The following RUBCNL variants were observed in gnomAD, a reference collection of about 807,000 sequenced individuals.
RUBCNL encodes rubicon like autophagy enhancer.
Under a neutral mutation model 69.5 loss-of-function variants are expected in RUBCNL, and 62 were observed. The ratio of observed to expected loss-of-function variants is 0.89; its 90% CI spans 0.73 to 1.10. The LOEUF (loss-of-function observed/expected upper bound fraction) is 1.10. Among genes scored for constraint, RUBCNL ranks in the 50% least tolerant of loss-of-function variants. The pLI, the probability that RUBCNL is intolerant of heterozygous loss-of-function variation, is 0.00. For missense variants in RUBCNL, 768 were observed against 798.1 expected (o/e 0.96, Z 0.45); for synonymous variants, 291 against 303.6 (o/e 0.96, Z 0.43).
chr13:46,388,694 C>T (rs1286333857), upstream of RUBCNL, among the ~76,000 whole-genome samples: 1 of 152,190 alleles, frequency 6.6e-6, no homozygotes, highest in Non-Finnish European at 1.5e-5. Context: ...AGAAGATTCC[C>T]TGCTGCATAA....
chr13:46,343,492 T>G lies in RUBCNL; in HGVS notation c.1882A>C (p.Arg628=). Residue 628 remains arginine (R), a synonymous_variant, in exon 15 of 15, where the codon AGG becomes CGG. Transcript: ENST00000429979. The stretch of plus-strand genomic sequence containing the variant: ...AAGCACTGTTTGTGAAAGCAAGCCC[T>G]GCACGCTGCAAGCAAGGAAGAGAGC... ...TATCRRCSAC[R]ACFHKQCFQS... is the part of the protein sequence containing the mutation. 1 of 1,613,290 alleles carries G rather than the reference T, an allele frequency of 6.2e-7. No individual in the cohort carries two copies. Among genetic ancestry groups the G allele is most frequent in the Non-Finnish European group, 8.5e-7 (1 of 1,179,362 alleles).
chr13:46,357,636 T>C (rs1351528521), intron 9 of RUBCNL, among the ~76,000 whole-genome samples: 89 of 151,028 alleles, frequency 5.9e-4, no homozygotes, highest in African/African-American at 2.0e-3. Flanking sequence ...TCTTTCTTTT[T>C]TTTTTTTTTT....
At chr13:46,373,586 G>A (rs1170806837) in intron 2 of RUBCNL, among the ~76,000 whole-genome samples, 1 of 152,196 alleles carries the variant, frequency 6.6e-6, no homozygotes, top group African/African-American at 2.4e-5. Flanking sequence ...TGTAATTACA[G>A]GCTCGGGAAA....
chr13:46,367,531 C>T (rs146839106), intron 5 of RUBCNL, among the ~76,000 whole-genome samples: 88 of 152,192 alleles, frequency 5.8e-4, no homozygotes, highest in African/African-American at 2.0e-3. Context: ...GACAACTGAA[C>T]GGAGCATGAT....
At chr13:46,382,415 T>A (rs949298326) in intron 1 of RUBCNL, among the ~76,000 whole-genome samples, 1 of 150,638 alleles carries the variant, frequency 6.6e-6, no homozygotes, top group South Asian at 2.1e-4. Flanking sequence ...ATTGTCATGA[T>A]AGAACTATCT....
At chr13:46,387,926 G>T, upstream of RUBCNL, 1 of 887,462 alleles carries the variant, frequency 1.1e-6, no homozygotes, top group Non-Finnish European at 1.4e-6. Flanking sequence ...CCTAAGCTCT[G>T]GCCGGGTGCG....
rs1248890248 is a variant in RUBCNL, at chr13:46,335,052, T to C, written c.*8333A>G. 5.3e-5 allele frequency among the ~76,000 whole-genome samples: 8 copies of C among 151,464 alleles called. No individual in the cohort carries two copies. Among genetic ancestry groups the C allele is most frequent in the African/African-American group, 1.9e-4 (8 of 41,264 alleles). On this transcript the variant is annotated 3_prime_UTR_variant, in exon 15 of 15. Transcript: ENST00000429979. ...AGGTCAAGCCCAACAGGAAACCTAC[T>C]TGGGTAAAGAATTTGGACTTTTTTT...
chr13:46,362,433 T>C (rs1780390593), intron 7 of RUBCNL, 105 bp downstream of exon 7: 2 of 584,420 alleles, frequency 3.4e-6, no homozygotes, highest in Non-Finnish European at 5.9e-6. Context: ...AACAAATCAC[T>C]GGAACTAGCT....
intron 12 of RUBCNL, among the ~76,000 whole-genome samples, chr13:46,346,600 G>A (rs926126860): frequency 6.6e-6 from 1 of 152,078 alleles, no homozygotes; most frequent in African/African-American, 2.4e-5. Flanking sequence ...GGAAGTATAG[G>A]TATTGTTCTA....
chr13:46,349,487 C>T (rs966437658), intron 11 of RUBCNL, 140 bp from the exon 12 acceptor site: 18 of 759,466 alleles, frequency 2.4e-5, no homozygotes, highest in Admixed American at 8.5e-5. Context: ...ACCGCCTATA[C>T]AGCAAGCCTT....
At chr13:46,389,071 G>C (rs576417151), upstream of RUBCNL, among the ~76,000 whole-genome samples, 1 of 152,318 alleles carries the variant, frequency 6.6e-6, no homozygotes, top group African/African-American at 2.4e-5. This position sits in a 1 kb window ranked among gnomAD's most constrained non-coding sequence, Gnocchi z 4.2. Context: ...AAATGAATCA[G>C]AAAGAAAAAG....
chr13:46,358,064 C>T (rs1020459927), intron 9 of RUBCNL, among the ~76,000 whole-genome samples: 1 of 152,156 alleles, frequency 6.6e-6, no homozygotes, highest in African/African-American at 2.4e-5. Flanking sequence ...AAATCTCTGC[C>T]CAGGTGCCAT....
chr13:46,382,916 T>C (rs942079169), intron 1 of RUBCNL, among the ~76,000 whole-genome samples: 1 of 152,198 alleles, frequency 6.6e-6, no homozygotes, highest in African/African-American at 2.4e-5. Flanking sequence ...TAAAAAAAGT[T>C]AAGTATTGTG....
intron 2 of RUBCNL, among the ~76,000 whole-genome samples, chr13:46,377,184 G>C (rs1467755791): frequency 1.3e-5 from 2 of 152,198 alleles, no homozygotes; most frequent in African/African-American, 4.8e-5. Context: ...TTGGTGGGGG[G>C]AGATGACTAT....
rs1413843405 is a variant in RUBCNL, at chr13:46,339,529, C to A, written c.*3856G>T. On this transcript the variant is annotated 3_prime_UTR_variant, in exon 15 of 15. Transcript: ENST00000429979. ...ACGTTCCTTCCAGCAGGTTTGAATT[C>A]CGAAGTCTCAGACAAATGACCACAC... Among the ~76,000 whole-genome samples, 1 of 152,120 alleles carries A rather than the reference C, an allele frequency of 6.6e-6. No homozygotes were observed. Among genetic ancestry groups the A allele is most frequent in the East Asian group, 1.9e-4 (1 of 5,202 alleles).
At position 46,335,265 on chromosome 13, in the gene RUBCNL, T is replaced by G. The variant is rs755937825; in HGVS notation, c.*8120A>C. 0.1 allele frequency among the ~76,000 whole-genome samples: 13,494 copies of G among 131,196 alleles called. 793 individuals are homozygous for G. The highest frequency in any genetic ancestry group is 0.15 in the Non-Finnish European group (9,182 of 60,094). The allele number at this position is 131,196 out of a possible 152,430, so 86.1% of individuals were successfully genotyped here. ...TTTTTGTTGTTGTTGTTGTTGTTTTTTTTTTTTTTTTTTTTTTTTTAAGAG... is the reference window on the plus strand; with the variant it reads ...TTTTTGTTGTTGTTGTTGTTGTTTTGTTTTTTTTTTTTTTTTTTTTAAGAG... On this transcript the variant is annotated 3_prime_UTR_variant, in exon 15 of 15. Transcript: ENST00000429979.
rs189100424 is a variant in RUBCNL, at chr13:46,384,568, A to G, written c.-239+2566T>C. 2.6e-4 allele frequency among the ~76,000 whole-genome samples: 39 copies of G among 151,206 alleles called. No homozygotes were observed. The East Asian group carries it at 5.6e-3, about 22-fold the overall frequency. The stretch of plus-strand genomic sequence containing the variant: ...TGGGTGCTTTTCAACGTTACCTGTT[A>G]AAAAAAAACGTTGAGGTCTAATTTA... On this transcript the variant is annotated intron_variant, in intron 1 of 14. Transcript: ENST00000429979.
At chr13:46,359,446 T>C (rs758914466) in intron 9 of RUBCNL, 40 bp downstream of exon 9, 1 of 1,579,746 alleles carries the variant, frequency 6.3e-7, no homozygotes, top group East Asian at 2.3e-5. Flanking sequence ...CACAATGTGA[T>C]TTAAATGGAT....
intron 14 of RUBCNL, 109 bp from the exon 15 acceptor site, chr13:46,343,606 CAG>C: frequency 2.6e-6 from 3 of 1,163,936 alleles, no homozygotes; most frequent in Non-Finnish European, 3.6e-6. Context: ...ATCCAGAGCC[CAG>C]AGTCTTCTAA....
Sources: allele counts gnomAD v4.1 joint callset (sites outside exome capture counted in the v4.1 genomes callset), GRCh38; gene constraint gnomAD v4.1.1; non-coding constraint Gnocchi (gnomAD v3.1); transcripts MANE v1.5; gene names NCBI Gene and HGNC (gene_info 2026-07-23, HGNC 2026-07-21).